The following NUP133 variants were observed in gnomAD, a reference collection of about 807,000 sequenced individuals.
The protein encoded by NUP133 is nuclear pore complex protein Nup133.
Under a neutral mutation model 146.2 loss-of-function variants are expected in NUP133, and 66 were observed. That is an observed-to-expected ratio of 0.45 (90% CI 0.37 to 0.55). NUP133 has a LOEUF of 0.55. Ranked by LOEUF, NUP133 falls within the 20% of genes least tolerant of loss-of-function variation. The pLI is 0.00. For missense variants in NUP133, 1,277 were observed against 1,374.8 expected, an observed-to-expected ratio of 0.93 and a Z score of 1.12; for synonymous variants, 521 against 498.8, an observed-to-expected ratio of 1.04 and a Z score of -0.59.
intron 9 of NUP133, among the ~76,000 whole-genome samples, chr1:229,489,564 T>C (rs988638761): frequency 6.6e-6 from 1 of 152,246 alleles, no homozygotes; most frequent in Non-Finnish European, 1.5e-5. Context: ...AGATGAAATC[T>C]GTCACGAAAT....
At chr1:229,475,165 T>C (rs16849820) in intron 14 of NUP133, among the ~76,000 whole-genome samples, 4,172 of 152,250 alleles carry the variant, frequency 0.027, 160 homozygotes, top group African/African-American at 0.085. Flanking sequence ...ATTCATTCAT[T>C]TGGCTACGTA....
intron 14 of NUP133, among the ~76,000 whole-genome samples, chr1:229,472,339 T>A (rs926774387): frequency 2.2e-5 from 3 of 136,970 alleles, no homozygotes; most frequent in Non-Finnish European, 3.1e-5. Flanking sequence ...AAAAAAAAAA[T>A]CTAGGTGGAG....
intron 9 of NUP133, among the ~76,000 whole-genome samples, chr1:229,489,386 G>T (rs1170848262): frequency 2.0e-5 from 3 of 152,112 alleles, no homozygotes; most frequent in Non-Finnish European, 2.9e-5. Context: ...ATACAGACAT[G>T]ACAATCCCTC....
rs552265419 is a variant in NUP133, at chr1:229,448,583, C to T, written c.3245+543G>A. Among the ~76,000 whole-genome samples, 5 of 152,308 alleles carry T rather than the reference C, an allele frequency of 3.3e-5. No homozygotes were observed. In the East Asian group the frequency reaches 9.6e-4, roughly 29 times the overall value. ...AAGTATACTCAAGTCAAGCAGCCCA[C>T]GCCGCTGCTCTGTGTAAGAAGTAGC... is the stretch of plus-strand genomic sequence containing the variant. On this transcript the variant is annotated intron_variant, in intron 24 of 25. Coordinates refer to ENST00000261396, the MANE Select transcript of NUP133 (RefSeq NM_018230.3).
rs71173728 is a variant in NUP133, at chr1:229,449,370, C to CTT, written c.3181-182_3181-181dup. Reference sequence around the variant, plus strand: ...AACCTTGAGAGGGGTAAGAGTTTTTCTTTTTTTTTTTTTTTGAGACGGAGT... The same window carrying CTT: ...AACCTTGAGAGGGGTAAGAGTTTTTCTTTTTTTTTTTTTTTTTGAGACGGAGT... On this transcript the variant is annotated intron_variant, in intron 23 of 25. Transcript: ENST00000261396. Among the ~76,000 whole-genome samples the CTT allele has an allele frequency of 7.5e-3, 1,051 of 139,754 alleles. 6 individuals are homozygous for CTT. The highest frequency in any genetic ancestry group is 0.016 in the Middle Eastern group (4 of 250). 91.7% of individuals were successfully genotyped at this position (139,754 alleles called of 152,430 possible). A position where few individuals can be genotyped will look rare whatever the true frequency, so the allele number is the denominator to read the frequency against.
Position 229,444,902 on chromosome 1 carries a change from C to G in NUP133, c.3334+12G>C. 1 of 1,568,586 alleles carries G rather than the reference C, an allele frequency of 6.4e-7. No homozygotes were observed. The highest frequency in any genetic ancestry group is 8.7e-7 in the Non-Finnish European group (1 of 1,143,108). On this transcript the variant is annotated intron_variant, in intron 25 of 25. Coordinates refer to ENST00000261396, the MANE Select transcript of NUP133 (RefSeq NM_018230.3). ...ACTGTAATTTCCAACGGTATAGTAACAAACCACTTACCATCTTTTAAAAGT... is the reference window on the plus strand; with the variant it reads ...ACTGTAATTTCCAACGGTATAGTAAGAAACCACTTACCATCTTTTAAAAGT...
Position 229,441,572 on chromosome 1 carries a change from G to T in NUP133, c.*332C>A, listed in dbSNP as rs189115529. ...GTGCAATCTAGTAATTTTCATAGTCGCAGAAACTGAGGCCTAGAAGTGATT... is the reference window on the plus strand; with the variant it reads ...GTGCAATCTAGTAATTTTCATAGTCTCAGAAACTGAGGCCTAGAAGTGATT... On this transcript the variant is annotated 3_prime_UTR_variant, in exon 26 of 26. Transcript: ENST00000261396. 15 of 436,020 alleles carry T rather than the reference G, an allele frequency of 3.4e-5. No individual in the cohort carries two copies. The East Asian group carries it at 9.4e-4, about 27-fold the overall frequency. The allele number at this position is 436,020 out of a possible 1,614,324, so 27.0% of individuals were successfully genotyped here. A position where few individuals can be genotyped will look rare whatever the true frequency, so the allele number is the denominator to read the frequency against.
chr1:229,508,339 G>A lies in NUP133; in HGVS notation c.-90C>T, dbSNP rs1413845386. On this transcript the variant is annotated 5_prime_UTR_variant, in exon 1 of 26. Coordinates refer to ENST00000261396, the MANE Select transcript of NUP133 (RefSeq NM_018230.3). ...CGCGGAACTTAAACACCTAAGGGAA[G>A]AGATGGCGCGCGATGATGACGTCAA... 7 of 987,378 alleles carry A rather than the reference G, an allele frequency of 7.1e-6. No individual in the cohort carries two copies. Among genetic ancestry groups the A allele is most frequent in the African/African-American group, 3.4e-5 (2 of 58,564 alleles). The allele number at this position is 987,378 out of a possible 1,614,324, so 61.2% of individuals were successfully genotyped here.
chr1:229,498,326 G>T lies in NUP133; in HGVS notation c.649-20C>A. The T allele has an allele frequency of 6.5e-7, 1 of 1,537,560 alleles. No homozygotes were observed. The highest frequency in any genetic ancestry group is 8.7e-7 in the Non-Finnish European group (1 of 1,145,834). Reference sequence around the variant, plus strand: ...TCCTCCCTGTGAAAAAACATTATGAGGTTAGTTCAGTTTAGCATCGAATGC... The same window carrying T: ...TCCTCCCTGTGAAAAAACATTATGATGTTAGTTCAGTTTAGCATCGAATGC... On this transcript the variant is annotated intron_variant, in intron 5 of 25. Transcript: ENST00000261396.
rs558616206 is a variant in NUP133 at position 229,490,365 on chromosome 1, T to C, written c.1047-263A>G. On this transcript the variant is annotated intron_variant, in intron 8 of 25. Transcript: ENST00000261396. The stretch of plus-strand genomic sequence containing the variant: ...CCAAGTGCTGAATAGATAAACAAAC[T>C]GTGGTATATCCATACAAAAGAACAC... 5.1e-4 allele frequency among the ~76,000 whole-genome samples: 75 copies of C among 147,536 alleles called. 2 individuals carry two copies. Among genetic ancestry groups the C allele is most frequent in the African/African-American group, 1.8e-3 (72 of 39,760 alleles).
At chr1:229,476,523 T>A (rs1358205828) in intron 13 of NUP133, among the ~76,000 whole-genome samples, 1 of 152,176 alleles carries the variant, frequency 6.6e-6, no homozygotes, top group Non-Finnish European at 1.5e-5. Flanking sequence ...CAGCTAGACA[T>A]GTCTTGTCCA....
Position 229,506,156 on chromosome 1 carries a change from C to A in NUP133, c.185G>T (p.Gly62Val), listed in dbSNP as rs750639556. Residue 62 changes from glycine (G) to valine (V), a missense_variant and splice_region_variant, in exon 2 of 26, where the codon GGA becomes GTA. Around this residue, in one of 3 missense-constraint regions of NUP133, gnomAD observed 319 missense variants for 306.9 expected, o/e 1.04. Coordinates refer to ENST00000261396, the MANE Select transcript of NUP133 (RefSeq NM_018230.3). Reference sequence around the variant, plus strand: ...GTGTGGGAACATTCGTGTTGGTGTTCCCCTAAAGAAAAGAGTCTATATTAC... The same window carrying A: ...GTGTGGGAACATTCGTGTTGGTGTTACCCTAAAGAAAAGAGTCTATATTAC... ...VGRRSSLSSRGTPTRMFPHHS... is the reference protein window; with the variant it reads ...VGRRSSLSSRVTPTRMFPHHS... The A allele has an allele frequency of 5.0e-6, 8 of 1,584,298 alleles. No homozygotes were observed. Among genetic ancestry groups the A allele is most frequent in the East Asian group, 2.2e-5 (1 of 44,630 alleles).
chr1:229,468,305 ACCC>A (rs1311539802), intron 15 of NUP133, among the ~76,000 whole-genome samples: 1 of 152,172 alleles, frequency 6.6e-6, no homozygotes, highest in East Asian at 1.9e-4. Context: ...GTAACTTGTC[ACCC>A]CCAAGTGGAA....
At chr1:229,488,047 T>C (rs1232735397) in intron 9 of NUP133, among the ~76,000 whole-genome samples, 1 of 152,026 alleles carries the variant, frequency 6.6e-6, no homozygotes, top group Non-Finnish European at 1.5e-5. Context: ...GGTTTCACCA[T>C]GTTGGCCAGG....
At chr1:229,489,360 C>A (rs1661453252) in intron 9 of NUP133, among the ~76,000 whole-genome samples, 1 of 152,146 alleles carries the variant, frequency 6.6e-6, no homozygotes, top group Non-Finnish European at 1.5e-5. Flanking sequence ...TTAATCAATA[C>A]CTTCTTTCTA....
chr1:229,475,493 C>T (rs146686626), intron 14 of NUP133, 145 bp downstream of exon 14: 68 of 574,786 alleles, frequency 1.2e-4, no homozygotes, highest in Middle Eastern at 9.2e-4. Context: ...CCTGGAATTA[C>T]GGACTTTTAA....
In NUP133 at chr1:229,453,489, G is replaced by C. The variant is rs147162267; in HGVS notation, c.2981-846C>G. Among the ~76,000 whole-genome samples the C allele has an allele frequency of 9.0e-3, 1,363 of 152,180 alleles. 20 individuals are homozygous for C. Among genetic ancestry groups the C allele is most frequent in the African/African-American group, 0.031 (1,287 of 41,500 alleles). On this transcript the variant is annotated intron_variant, in intron 21 of 25. Coordinates refer to ENST00000261396, the MANE Select transcript of NUP133 (RefSeq NM_018230.3). ...GCATTAAACACAGGAAAAAATACTC[G>C]AGAACTATGAGAAATCACTTCTTAC...
rs772340697 is a variant in NUP133, at chr1:229,458,191, A to G, written c.2950T>C (p.Ser984Pro). ...SKLAALASDF[S>P]EDMLQEKIEE... ...ATTTTTTCTTGTAGCATATCCTCTG[A>G]AAAGTCTGAAGCTAATGCAGCCAAT... The change falls in exon 21 of 26, where the codon TCA becomes CCA. Residue 984 changes from serine to proline, a missense_variant. Transcript: ENST00000261396. The G allele has an allele frequency of 1.9e-6, 3 of 1,613,180 alleles. No homozygotes were observed. The highest frequency in any genetic ancestry group is 1.3e-5 in the African/African-American group (1 of 74,900).
intron 19 of NUP133, among the ~76,000 whole-genome samples, chr1:229,462,003 C>T (rs1325013717): frequency 1.3e-5 from 2 of 152,002 alleles, no homozygotes; most frequent in Non-Finnish European, 2.9e-5. Flanking sequence ...CCTGCCTCAA[C>T]CTCCAGAACA....
Sources: gnomAD v4.1 joint callset for allele counts (sites outside exome capture counted in the v4.1 genomes callset) on GRCh38, gnomAD v4.1.1 for gene constraint, gnomAD v4.1.1 regional missense constraint, MANE v1.5 for transcripts, NCBI Gene and HGNC (gene_info 2026-07-23, HGNC 2026-07-21) for gene names.